Variants in BNIP3 observed in about 807,000 individuals in gnomAD.
BNIP3 encodes the protein BCL2/adenovirus E1B 19 kDa protein-interacting protein 3.
A neutral mutation model predicts 23.9 loss-of-function variants in BNIP3; 16 were observed. That is an observed-to-expected ratio of 0.67 (90% CI 0.45 to 1.01). The LOEUF (loss-of-function observed/expected upper bound fraction) is 1.01, where lower values mean the gene tolerates loss of function less well. BNIP3 is among the 50% of genes least tolerant of loss of function. The pLI is 0.00. For synonymous variants in BNIP3, 81 were observed against 89.3 expected (o/e 0.91, Z 0.53); for missense variants, 198 against 248.7 (o/e 0.80, Z 1.37).
chr10:131,981,711 G>C (rs1015007122), intron 1 of BNIP3, 50 bp downstream of exon 1: 4 of 1,456,694 alleles, frequency 2.7e-6, no homozygotes, highest in Non-Finnish European at 2.7e-6. Context: ...GCCTTCCCCA[G>C]GCTTCCCCCC....
At position 131,970,480 on chromosome 10, in the gene BNIP3, T is replaced by C; in HGVS notation, c.539+158A>G. 1 of 1,122,460 alleles carries C rather than the reference T, an allele frequency of 8.9e-7. No individual in the cohort carries two copies. Among genetic ancestry groups the C allele is most frequent in the Non-Finnish European group, 1.2e-6 (1 of 811,964 alleles). The allele number at this position is 1,122,460 out of a possible 1,614,324, so 69.5% of individuals were successfully genotyped here. ...GCCTTTGGGGGCTGCAGGCTGGTGG[T>C]TTCTGGACCTGAACAGTGACTACGT... On this transcript the variant is annotated intron_variant, in intron 5 of 5. Coordinates refer to ENST00000368636, the MANE Select transcript of BNIP3 (RefSeq NM_004052.4). This position sits in a 1 kb window ranked among gnomAD's most constrained non-coding sequence, Gnocchi z 4.1.
chr10:131,975,596 G>T (rs1393553107), intron 1 of BNIP3, among the ~76,000 whole-genome samples: 1 of 152,176 alleles, frequency 6.6e-6, no homozygotes, highest in Non-Finnish European at 1.5e-5. Flanking sequence ...GCAAAGGCAG[G>T]TGCACAGCTT....
intron 3 of BNIP3, among the ~76,000 whole-genome samples, chr10:131,971,828 C>T (rs922540864): frequency 3.3e-5 from 5 of 152,204 alleles, no homozygotes; most frequent in African/African-American, 9.7e-5. Context: ...TCATGCTGCC[C>T]CTCGGAGTGG....
chr10:131,973,766 C>T, intron 2 of BNIP3, 27 bp downstream of exon 2: 1 of 1,610,918 alleles, frequency 6.2e-7, no homozygotes. Flanking sequence ...GGCACTGTAA[C>T]ACATACACTT....
chr10:131,970,937 C>T lies in BNIP3; in HGVS notation c.316G>A (p.Val106Ile). The change falls in exon 4 of 6, where the codon GTT becomes ATT. Residue 106 changes from valine (V) to isoleucine (I), a missense_variant. Physicochemically the swap from Val to Ile is conservative, Grantham distance 29. Transcript: ENST00000368636. This position sits in a 1 kb window ranked among gnomAD's most constrained non-coding sequence, Gnocchi z 4.1. ...GAGTTTTTCTTCAAGATGCTTTCAA[C>T]TTCTTTCCTTCTTTCAATATCATCT... Reference protein sequence around the residue: ...EEDDIERRKEVESILKKNSDW... With the variant: ...EEDDIERRKEIESILKKNSDW... 4 of 1,614,204 alleles carry T rather than the reference C, an allele frequency of 2.5e-6. No homozygotes were observed. Among genetic ancestry groups the T allele is most frequent in the South Asian group, 1.1e-5 (1 of 91,088 alleles).
At position 131,973,786 on chromosome 10, in the gene BNIP3, C is replaced by T. The variant is rs369300153; in HGVS notation, c.197+7G>A. ...TGTAACACATACACTTGTTGATGCG[C>T]GCCTACCTGTCACAGTGAGAGCTCT... On this transcript the variant is annotated splice_region_variant and intron_variant, in intron 2 of 5. Coordinates refer to ENST00000368636, the MANE Select transcript of BNIP3 (RefSeq NM_004052.4). The T allele has an allele frequency of 2.9e-4, 462 of 1,611,896 alleles. No homozygotes were observed. The highest frequency in any genetic ancestry group is 3.6e-4 in the Non-Finnish European group (426 of 1,179,892).
chr10:131,971,422 C>T (rs1239203924), intron 3 of BNIP3: 1 of 165,370 alleles, frequency 6.0e-6, no homozygotes, highest in Admixed American at 5.8e-5. Context: ...TTACAAGATG[C>T]TTCCGGGATA....
chr10:131,973,176 G>C, intron 2 of BNIP3, 58 bp from the exon 3 acceptor site: 1 of 1,570,468 alleles, frequency 6.4e-7, no homozygotes, highest in Non-Finnish European at 8.7e-7. Context: ...TCTATCATTA[G>C]AAGCTCAAAC....
chr10:131,978,568 AC>A (rs1208044190), intron 1 of BNIP3, among the ~76,000 whole-genome samples: 1 of 152,120 alleles, frequency 6.6e-6, no homozygotes, highest in Non-Finnish European at 1.5e-5. Context: ...CGTGGAGTAA[AC>A]ACAGGGCCAA....
At position 131,976,099 on chromosome 10, in the gene BNIP3, G is replaced by T. The variant is rs1200279556; in HGVS notation, c.47-2156C>A. Among the ~76,000 whole-genome samples the T allele has an allele frequency of 2.0e-5, 3 of 152,206 alleles. No homozygotes were observed. The highest frequency in any genetic ancestry group is 3.8e-4 in the East Asian group (2 of 5,200). ...AGATGCCATGCGGCCGGCTAGCCAT[G>T]GCCTGCCCCTGAGAGAACGGCACCA... On this transcript the variant is annotated intron_variant, in intron 1 of 5. Transcript: ENST00000368636. The surrounding 1 kb of genome is among the most constrained non-coding windows in gnomAD (Gnocchi z 4.3).
intron 1 of BNIP3, among the ~76,000 whole-genome samples, chr10:131,977,663 A>G (rs1016622140): frequency 3.3e-5 from 5 of 152,136 alleles, no homozygotes; most frequent in African/African-American, 1.2e-4. Flanking sequence ...CCTATGGCCG[A>G]GCCACCTCTT....
chr10:131,969,571 C>G (rs2037004509), intron 5 of BNIP3: 2 of 152,286 alleles, frequency 1.3e-5, no homozygotes, highest in African/African-American at 2.4e-5. Context: ...ACGGGCAGCG[C>G]TCAGGTCCCG....
chr10:131,979,240 G>A (rs45455195), intron 1 of BNIP3, among the ~76,000 whole-genome samples: 2 of 152,304 alleles, frequency 1.3e-5, no homozygotes, highest in East Asian at 1.9e-4. Context: ...AGTCTTGGAC[G>A]AGAATCTCGA....
intron 1 of BNIP3, among the ~76,000 whole-genome samples, chr10:131,979,966 G>C (rs111381555): frequency 4.0e-4 from 61 of 152,364 alleles, no homozygotes; most frequent in African/African-American, 6.7e-4. Flanking sequence ...CAGGCAGCTG[G>C]AGCCCGCGGG....
chr10:131,981,506 C>A (rs2037118435), intron 1 of BNIP3, among the ~76,000 whole-genome samples: 1 of 152,222 alleles, frequency 6.6e-6, no homozygotes, highest in African/African-American at 2.4e-5. Context: ...CTTTCCCGTG[C>A]GGTCCGACCC....
intron 3 of BNIP3, 68 bp from the exon 4 acceptor site, chr10:131,971,038 C>G (rs1026755294): frequency 1.5e-5 from 21 of 1,424,372 alleles, no homozygotes; most frequent in South Asian, 4.7e-5. Flanking sequence ...ACCCAGCTCC[C>G]ACCCGAGCTT....
At chr10:131,975,876 G>C (rs2037075050) in intron 1 of BNIP3, among the ~76,000 whole-genome samples, 1 of 152,156 alleles carries the variant, frequency 6.6e-6, no homozygotes, top group African/African-American at 2.4e-5. Flanking sequence ...TAATACAAAG[G>C]CAAGCCAGGG....
Position 131,968,497 on chromosome 10 carries a change from C to T in BNIP3, c.*27G>A, listed in dbSNP as rs754281748. 1.2e-5 allele frequency: 19 copies of T among 1,554,762 alleles called. No individual in the cohort carries two copies. Among genetic ancestry groups the T allele is most frequent in the South Asian group, 5.6e-5 (5 of 89,886 alleles). On this transcript the variant is annotated 3_prime_UTR_variant, in exon 6 of 6. Coordinates refer to ENST00000368636, the MANE Select transcript of BNIP3 (RefSeq NM_004052.4). ...TGCAAGCTCAGAAGTAATCCACTAA[C>T]GAACCAAGTCAGACTCCAGTTCTTC...
In BNIP3 at chr10:131,970,648, T is replaced by C. The variant is rs2037022313; in HGVS notation, c.529A>G (p.Ile177Val). ...AGTCACATCACCTACCCCAATCCGA[T>C]GGCCAGCAAATGAGAGAGCAGCAGA... ...PSLLLSHLLA[I>V]GLGIYIGRRL... Residue 177 changes from isoleucine (I) to valine (V), a missense_variant, in exon 5 of 6, where the codon ATC becomes GTC. Coordinates refer to ENST00000368636, the MANE Select transcript of BNIP3 (RefSeq NM_004052.4). This position sits in a 1 kb window ranked among gnomAD's most constrained non-coding sequence, Gnocchi z 4.1. 2 of 1,614,092 alleles carry C rather than the reference T, an allele frequency of 1.2e-6. No homozygotes were observed. Among genetic ancestry groups the C allele is most frequent in the Non-Finnish European group, 8.5e-7 (1 of 1,180,006 alleles).
Sources: allele counts gnomAD v4.1 joint callset (sites outside exome capture counted in the v4.1 genomes callset), GRCh38; gene constraint gnomAD v4.1.1; non-coding constraint Gnocchi (gnomAD v3.1); transcripts MANE v1.5; gene names NCBI Gene and HGNC (gene_info 2026-07-23, HGNC 2026-07-21).